The following NAA60 variants were observed in gnomAD, a reference collection of about 807,000 sequenced individuals.
NAA60 encodes N-alpha-acetyltransferase 60.
In NAA60, 8 loss-of-function variants were observed where a neutral mutation model predicts 26.1. The ratio of observed to expected loss-of-function variants is 0.31; its 90% CI spans 0.18 to 0.55. NAA60 has a LOEUF of 0.55. Ranked by LOEUF, NAA60 falls within the 20% of genes least tolerant of loss-of-function variation. The pLI is 0.93. For synonymous variants in NAA60, 131 were observed against 122.5 expected, an observed-to-expected ratio of 1.07 and a Z score of -0.46; for missense variants, 290 against 311.3, an observed-to-expected ratio of 0.93 and a Z score of 0.51.
At chr16:3,470,353 C>A (rs9933713) in intron 2 of NAA60, among the ~76,000 whole-genome samples, 12,078 of 152,236 alleles carry the variant, frequency 0.079, 641 homozygotes, top group South Asian at 0.17. Flanking sequence ...TGGAATGGAA[C>A]TCGCTATTCC....
intron 2 of NAA60, among the ~76,000 whole-genome samples, chr16:3,456,441 C>CT (rs2034998953): frequency 6.8e-6 from 1 of 147,208 alleles, no homozygotes; most frequent in African/African-American, 2.6e-5. Context: ...CGAGCAATTT[C>CT]CTTTTTTTTT....
At chr16:3,476,634 T>A (rs757541215) in intron 3 of NAA60, among the ~76,000 whole-genome samples, 1 of 152,148 alleles carries the variant, frequency 6.6e-6, no homozygotes, top group Non-Finnish European at 1.5e-5. Context: ...CACTCAAGTA[T>A]CTTCACAGCA....
At chr16:3,453,697 T>C (rs1437639854) in intron 2 of NAA60, among the ~76,000 whole-genome samples, 3 of 152,164 alleles carry the variant, frequency 2.0e-5, no homozygotes, top group Non-Finnish European at 4.4e-5. Context: ...TGTGAGCCAC[T>C]GCACCCAGCT....
intron 2 of NAA60, among the ~76,000 whole-genome samples, chr16:3,468,592 G>A (rs182526201): frequency 1.1e-3 from 167 of 152,344 alleles, no homozygotes; most frequent in African/African-American, 3.9e-3. Flanking sequence ...GGAGTTGGGG[G>A]AAGCAGAGAA....
At position 3,452,970 on chromosome 16, in the gene NAA60, G is replaced by A. The variant is rs2034844089; in HGVS notation, c.-7+4430G>A. ...ACCTTGTCTCAAAAAAATTAAAAAA[G>A]ACTAATCCCCTATGTTGGTGAGGCT... On this transcript the variant is annotated intron_variant, in intron 2 of 7. Coordinates refer to ENST00000407558, the MANE Select transcript of NAA60 (RefSeq NM_001083601.3). Among the ~76,000 whole-genome samples the A allele has an allele frequency of 1.3e-5, 2 of 151,992 alleles. 1 individual carries two copies.
chr16:3,472,675 G>A (rs1170263887), intron 2 of NAA60, among the ~76,000 whole-genome samples: 6 of 152,026 alleles, frequency 3.9e-5, no homozygotes, highest in African/African-American at 7.2e-5. Flanking sequence ...CCTCATGATC[G>A]GCCTGCCTTG....
intron 2 of NAA60, chr16:3,449,893 C>CT (rs1481014142): frequency 2.6e-6 from 1 of 389,816 alleles, no homozygotes; most frequent in Non-Finnish European, 4.5e-6. Flanking sequence ...TGAGACATGC[C>CT]TTTTACCTTC....
chr16:3,458,175 C>A lies in NAA60; in HGVS notation c.-7+9635C>A, dbSNP rs1435116035. 31 of 984,884 alleles carry A rather than the reference C, an allele frequency of 3.1e-5. 1 individual carries two copies. Among genetic ancestry groups the A allele is most frequent in the Non-Finnish European group, 2.0e-5 (17 of 829,782 alleles). The allele number at this position is 984,884 out of a possible 1,614,324, so 61.0% of individuals were successfully genotyped here. On this transcript the variant is annotated intron_variant, in intron 2 of 7. Coordinates refer to ENST00000407558, the MANE Select transcript of NAA60 (RefSeq NM_001083601.3). ...ACACCCCCAGCGGCCGCCGGCTCCCCCACGAGGTGAGGTGGCGGGGGGCGG... is the reference window on the plus strand; with the variant it reads ...ACACCCCCAGCGGCCGCCGGCTCCCACACGAGGTGAGGTGGCGGGGGGCGG...
intron 2 of NAA60, among the ~76,000 whole-genome samples, chr16:3,468,567 G>A (rs868458286): frequency 6.6e-6 from 1 of 152,190 alleles, no homozygotes; most frequent in African/African-American, 2.4e-5. Context: ...AGGTCTACAG[G>A]CAGCTCAGGA....
At chr16:3,484,627 G>A (rs1222715547) in intron 6 of NAA60, 72 bp from the exon 7 acceptor site, 45 of 1,531,868 alleles carry the variant, frequency 2.9e-5, no homozygotes, top group Non-Finnish European at 3.9e-5. Context: ...AGGCCACTGC[G>A]CGGGCCCCTG....
At chr16:3,449,507 G>A (rs949828709) in intron 2 of NAA60, among the ~76,000 whole-genome samples, 7 of 151,992 alleles carry the variant, frequency 4.6e-5, no homozygotes, top group Non-Finnish European at 8.8e-5. Flanking sequence ...GACAGAGCAA[G>A]ACTCTGTCTC....
intron 2 of NAA60, among the ~76,000 whole-genome samples, chr16:3,460,503 A>G (rs900400069): frequency 6.6e-6 from 1 of 152,230 alleles, no homozygotes; most frequent in Admixed American, 6.5e-5. Flanking sequence ...AGCTGGGATT[A>G]CAGTCATGTG....
At chr16:3,478,159 C>G (rs2036603236) in intron 3 of NAA60, among the ~76,000 whole-genome samples, 2 of 152,128 alleles carry the variant, frequency 1.3e-5, no homozygotes, top group African/African-American at 4.8e-5. Context: ...TCACTTGAAC[C>G]CGCGAGTCAG....
intron 2 of NAA60, among the ~76,000 whole-genome samples, chr16:3,449,574 A>G (rs1248078519): frequency 1.3e-5 from 2 of 152,070 alleles, no homozygotes; most frequent in African/African-American, 2.4e-5. Flanking sequence ...AGTCCCAGCT[A>G]CTCGGGAGGC....
intron 2 of NAA60, among the ~76,000 whole-genome samples, chr16:3,470,714 A>G (rs1346475441): frequency 1.3e-5 from 2 of 152,208 alleles, no homozygotes; most frequent in Non-Finnish European, 2.9e-5. Flanking sequence ...CTCCGACTTG[A>G]TCAGCATGAA....
intron 2 of NAA60, among the ~76,000 whole-genome samples, chr16:3,473,089 G>A (rs1011831629): frequency 4.6e-5 from 7 of 152,146 alleles, no homozygotes; most frequent in Non-Finnish European, 1.0e-4. Flanking sequence ...AGGCTGGAAT[G>A]CAATGACACC....
At chr16:3,464,505 T>A (rs933487162) in intron 2 of NAA60, among the ~76,000 whole-genome samples, 1 of 152,148 alleles carries the variant, frequency 6.6e-6, no homozygotes, top group Non-Finnish European at 1.5e-5. Flanking sequence ...CCTTTTAAAC[T>A]GAGGAGCTGC....
At chr16:3,478,088 T>TAATAATAATAAA (rs543097524) in intron 3 of NAA60, among the ~76,000 whole-genome samples, 102 of 150,188 alleles carry the variant, frequency 6.8e-4, no homozygotes, top group Middle Eastern at 6.9e-3. Flanking sequence ...ATAATAATAA[T>TAATAATAATAAA]AAATAGGCCT....
intron 2 of NAA60, among the ~76,000 whole-genome samples, chr16:3,473,482 C>T (rs1298101912): frequency 2.6e-5 from 4 of 152,180 alleles, no homozygotes; most frequent in Non-Finnish European, 5.9e-5. Context: ...CGAAACTGCT[C>T]CCATGACTCA....
Sources: gnomAD v4.1 joint callset for allele counts (sites outside exome capture counted in the v4.1 genomes callset) on GRCh38, gnomAD v4.1.1 for gene constraint, MANE v1.5 for transcripts, NCBI Gene and HGNC (gene_info 2026-07-23, HGNC 2026-07-21) for gene names.